CCDC149: variants seen among roughly 807,000 people sequenced by gnomAD.
CCDC149 encodes the protein coiled-coil domain-containing protein 149.
A neutral mutation model predicts 59.9 loss-of-function variants in CCDC149; 45 were observed. The ratio of observed to expected loss-of-function variants is 0.75; its 90% CI spans 0.59 to 0.96. CCDC149 has a LOEUF of 0.96. Among genes scored for constraint, CCDC149 ranks in the 40% least tolerant of loss-of-function variants. The pLI, the probability that CCDC149 is intolerant of heterozygous loss-of-function variation, is 0.00. For synonymous variants in CCDC149, 245 were observed against 260.6 expected (o/e 0.94, Z 0.58); for missense variants, 584 against 664.7 (o/e 0.88, Z 1.33).
chr4:24,928,148 C>T (rs1273049525), intron 1 of CCDC149, among the ~76,000 whole-genome samples: 2 of 152,148 alleles, frequency 1.3e-5, no homozygotes, highest in Admixed American at 6.5e-5. Flanking sequence ...TCCCTAAAAA[C>T]TCAGTTCAAA....
intron 1 of CCDC149, among the ~76,000 whole-genome samples, chr4:24,889,396 C>G (rs1205732660): frequency 6.6e-6 from 1 of 152,234 alleles, no homozygotes; most frequent in Non-Finnish European, 1.5e-5. Context: ...TGAATTTGCT[C>G]TGTCCCCAGT....
chr4:24,808,667 G>C lies in CCDC149; in HGVS notation c.1345C>G (p.Pro449Ala), dbSNP rs918059623. The stretch of plus-strand genomic sequence containing the variant: ...AGGCTGTTTACTTCTTCCTCAGAAG[G>C]TAACTGGGGTAATGAAGGATGAAAG... The change falls in exon 13 of 13, where the codon CCT becomes GCT. Residue 449 changes from proline to alanine, a missense_variant. By Grantham distance (27) the Pro-to-Ala change is conservative. Transcript: ENST00000635206. 4 of 1,552,282 alleles carry C rather than the reference G, an allele frequency of 2.6e-6. No individual in the cohort carries two copies. Among genetic ancestry groups the C allele is most frequent in the Non-Finnish European group, 2.6e-6 (3 of 1,147,152 alleles).
intron 3 of CCDC149, among the ~76,000 whole-genome samples, chr4:24,868,454 A>C (rs17625246): frequency 0.061 from 9,273 of 152,294 alleles, 364 homozygotes; most frequent in Middle Eastern, 0.095. Context: ...CCCATTAATA[A>C]GTCAGAATTC....
At chr4:24,918,276 T>C (rs1190346344) in intron 1 of CCDC149, among the ~76,000 whole-genome samples, 1 of 151,996 alleles carries the variant, frequency 6.6e-6, no homozygotes, top group Non-Finnish European at 1.5e-5. Flanking sequence ...GGCTTGGGGA[T>C]GGGGAAAAAA....
At chr4:24,975,638 G>A (rs1724153772) in intron 1 of CCDC149, among the ~76,000 whole-genome samples, 2 of 151,728 alleles carry the variant, frequency 1.3e-5, no homozygotes, top group South Asian at 4.2e-4. Flanking sequence ...TCATTGATGG[G>A]GCTTGGGTCC....
At chr4:24,917,415 A>G (rs1334727595), upstream of CCDC149, among the ~76,000 whole-genome samples, 1 of 152,086 alleles carries the variant, frequency 6.6e-6, no homozygotes, top group Non-Finnish European at 1.5e-5. Flanking sequence ...TTGTCATCCT[A>G]AGGGGGCACA....
intron 1 of CCDC149, among the ~76,000 whole-genome samples, chr4:24,972,023 GGT>G (rs1723984344): frequency 6.6e-6 from 1 of 152,110 alleles, no homozygotes; most frequent in South Asian, 2.1e-4. Flanking sequence ...AACCAACCAA[GGT>G]ACATCTTACA....
At chr4:24,839,659 C>T (rs80311396) in intron 4 of CCDC149, among the ~76,000 whole-genome samples, 2,552 of 152,304 alleles carry the variant, frequency 0.017, 60 homozygotes, top group African/African-American at 0.056. Flanking sequence ...CAGCTCCAAA[C>T]CTTCCAGGTG....
chr4:24,837,970 C>T lies in CCDC149; in HGVS notation c.489+186G>A, dbSNP rs1273362079. ...TACCCAATAGCAGGGAGCAGACCTG[C>T]CTGCTGGAGGCCAGAAACCCAAGAG... On this transcript the variant is annotated intron_variant, in intron 5 of 12. Transcript: ENST00000635206. The surrounding 1 kb of genome is among the most constrained non-coding windows in gnomAD (Gnocchi z 4.3). Among the ~76,000 whole-genome samples, 1 of 152,174 alleles carries T rather than the reference C, an allele frequency of 6.6e-6. No individual in the cohort carries two copies. Among genetic ancestry groups the T allele is most frequent in the Non-Finnish European group, 1.5e-5 (1 of 68,028 alleles).
chr4:24,907,660 C>T (rs543898753), intron 1 of CCDC149, among the ~76,000 whole-genome samples: 1 of 152,282 alleles, frequency 6.6e-6, no homozygotes, highest in African/African-American at 2.4e-5. Context: ...GGTGAATCAG[C>T]CAAAAGCCAG....
chr4:24,979,370 C>A (rs1372285711), intron 1 of CCDC149, among the ~76,000 whole-genome samples: 1 of 152,106 alleles, frequency 6.6e-6, no homozygotes, highest in African/African-American at 2.4e-5. Context: ...TCAGGATAGG[C>A]TGCAGGGAAA....
At position 24,834,810 on chromosome 4, in the gene CCDC149, C is replaced by T. The variant is rs1249565707; in HGVS notation, c.820+138G>A. 18 of 535,426 alleles carry T rather than the reference C, an allele frequency of 3.4e-5. 1 individual carries two copies. The highest frequency in any genetic ancestry group is 2.9e-4 in the South Asian group (8 of 27,560). The allele number at this position is 535,426 out of a possible 1,614,324, so 33.2% of individuals were successfully genotyped here. ...AGGCCCTCCCGGCAACTCTGATGCA[C>T]GTGGAAGTCGGGGAGCCACTGTTCT... is the stretch of plus-strand genomic sequence containing the variant. On this transcript the variant is annotated intron_variant, in intron 8 of 12. Coordinates refer to ENST00000635206, the MANE Select transcript of CCDC149 (RefSeq NM_001330643.2).
chr4:24,962,593 TG>T (rs1366387401), intron 1 of CCDC149, among the ~76,000 whole-genome samples: 1 of 152,152 alleles, frequency 6.6e-6, no homozygotes, highest in Admixed American at 6.5e-5. Flanking sequence ...GGGACATGGA[TG>T]AAGCTGGAAA....
intron 12 of CCDC149, among the ~76,000 whole-genome samples, chr4:24,811,133 G>A (rs537215327): frequency 8.5e-5 from 13 of 152,180 alleles, no homozygotes; most frequent in Admixed American, 2.0e-4. Flanking sequence ...AAGGGTGGAG[G>A]AAGACTTTAA....
intron 1 of CCDC149, among the ~76,000 whole-genome samples, chr4:24,908,712 G>A (rs879290853): frequency 5.3e-5 from 8 of 152,036 alleles, no homozygotes; most frequent in South Asian, 2.1e-4. Context: ...AAACAACAAC[G>A]ACAAAAACCA....
At chr4:24,970,303 G>A (rs532781795) in intron 1 of CCDC149, among the ~76,000 whole-genome samples, 6 of 152,288 alleles carry the variant, frequency 3.9e-5, no homozygotes, top group East Asian at 1.9e-4. Flanking sequence ...GGCTGGCCTC[G>A]GCACATACAT....
rs569176399 is a variant in CCDC149, at chr4:24,841,662, T to G, written c.373-3390A>C. Among the ~76,000 whole-genome samples, 132 of 152,318 alleles carry G rather than the reference T, an allele frequency of 8.7e-4. 1 individual carries two copies. The highest frequency in any genetic ancestry group is 2.0e-3 in the Admixed American group (30 of 15,310). On this transcript the variant is annotated intron_variant, in intron 4 of 12. Transcript: ENST00000635206. ...GGGAGAAGGCTCCTGCCTTCCGAGC[T>G]GACAGCTGGTGTGCACTGGAGTTGG... is the stretch of plus-strand genomic sequence containing the variant.
intron 1 of CCDC149, among the ~76,000 whole-genome samples, chr4:24,938,295 A>G (rs1429582517): frequency 6.6e-6 from 1 of 152,220 alleles, no homozygotes; most frequent in Non-Finnish European, 1.5e-5. Context: ...GCTATTAAGA[A>G]AAGCCTTAAT....
chr4:24,920,016 G>C (rs935806656), intron 1 of CCDC149, among the ~76,000 whole-genome samples: 12 of 152,202 alleles, frequency 7.9e-5, no homozygotes, highest in Admixed American at 2.6e-4. Flanking sequence ...TAAGAAAAAG[G>C]CTGTGGCTAC....
Sources: allele counts gnomAD v4.1 joint callset (sites outside exome capture counted in the v4.1 genomes callset), GRCh38; gene constraint gnomAD v4.1.1; non-coding constraint Gnocchi (gnomAD v3.1); transcripts MANE v1.5; gene names NCBI Gene and HGNC (gene_info 2026-07-23, HGNC 2026-07-21).